Variants in SEMA5B observed in about 807,000 individuals in gnomAD.
The protein encoded by SEMA5B is semaphorin 5B.
A neutral mutation model predicts 135.0 loss-of-function variants in SEMA5B; 66 were observed. The observed-to-expected ratio is 0.49, with a 90% confidence interval of 0.40 to 0.60. The LOEUF is 0.60. SEMA5B is among the 20% of genes least tolerant of loss of function. The probability of loss-of-function intolerance (pLI) is 0.00; values close to 1 mark genes in which losing one functional copy is unlikely to be tolerated. For missense variants in SEMA5B, 1,501 were observed against 1,566.3 expected (o/e 0.96, Z 0.70); for synonymous variants, 690 against 639.5 (o/e 1.08, Z -1.19).
intron 1 of SEMA5B, among the ~76,000 whole-genome samples, chr3:122,961,563 G>T (rs935127017): frequency 6.6e-6 from 1 of 151,712 alleles, no homozygotes; most frequent in Non-Finnish European, 1.5e-5. Context: ...AGGCTCAAAA[G>T]ATCCTCCTGC....
At chr3:123,004,142 C>T (rs1942248825) in intron 1 of SEMA5B, among the ~76,000 whole-genome samples, 1 of 152,228 alleles carries the variant, frequency 6.6e-6, no homozygotes, top group South Asian at 2.1e-4. Flanking sequence ...ACTGCTGTTA[C>T]TCCGGGAGGA....
At chr3:122,952,981 C>T (rs1940125368) in intron 2 of SEMA5B, among the ~76,000 whole-genome samples, 1 of 152,274 alleles carries the variant, frequency 6.6e-6, no homozygotes, top group South Asian at 2.1e-4. Context: ...CCATATGGTT[C>T]CCAAACCCCC....
At chr3:122,947,043 C>G (rs1484205222) in intron 3 of SEMA5B, among the ~76,000 whole-genome samples, 1 of 152,040 alleles carries the variant, frequency 6.6e-6, no homozygotes, top group Non-Finnish European at 1.5e-5. Flanking sequence ...TGTCCCTGCC[C>G]CCAGACTCAG....
intron 1 of SEMA5B, among the ~76,000 whole-genome samples, chr3:122,973,968 C>T (rs1941219135): frequency 6.6e-6 from 1 of 152,214 alleles, no homozygotes; most frequent in African/African-American, 2.4e-5. Flanking sequence ...TAATTGTGTT[C>T]CAGCTCAGCA....
intron 5 of SEMA5B, among the ~76,000 whole-genome samples, chr3:122,932,243 A>AT (rs71136597): frequency 0.12 from 9,986 of 84,736 alleles, 2,537 homozygotes; most frequent in South Asian, 0.17. Flanking sequence ...TCTCAATATG[A>AT]TTTTTTTTTT....
intron 12 of SEMA5B, among the ~76,000 whole-genome samples, chr3:122,918,393 C>T (rs1484050450): frequency 6.6e-6 from 1 of 152,204 alleles, no homozygotes. Flanking sequence ...AGCCCACCAA[C>T]CTATACTTTG....
chr3:122,985,040 G>T (rs917435035), intron 1 of SEMA5B, among the ~76,000 whole-genome samples: 1 of 152,164 alleles, frequency 6.6e-6, no homozygotes, highest in Non-Finnish European at 1.5e-5. Flanking sequence ...TACACCATAA[G>T]ATTTTAAGTT....
intron 2 of SEMA5B, among the ~76,000 whole-genome samples, chr3:122,956,837 TA>T (rs955297529): frequency 2.0e-5 from 3 of 152,026 alleles, no homozygotes; most frequent in African/African-American, 7.3e-5. Flanking sequence ...GTGAGTGCCC[TA>T]AAAGGGAAAA....
At chr3:122,923,930 C>T (rs1938499414) in intron 9 of SEMA5B, among the ~76,000 whole-genome samples, 178 bp from the exon 10 acceptor site, 1 of 152,114 alleles carries the variant, frequency 6.6e-6, no homozygotes, top group Admixed American at 6.5e-5. Flanking sequence ...TGTAAACCCC[C>T]TGGGAACGAC....
intron 14 of SEMA5B, 65 bp from the exon 15 acceptor site, chr3:122,914,066 G>GTC (rs1937933661): frequency 1.4e-6 from 2 of 1,470,420 alleles, no homozygotes; most frequent in African/African-American, 2.8e-5. Flanking sequence ...GATCTAGTCT[G>GTC]TCTCTGGGCC....
intron 1 of SEMA5B, among the ~76,000 whole-genome samples, chr3:122,991,217 G>A (rs757441482): frequency 6.6e-6 from 1 of 152,192 alleles, no homozygotes; most frequent in African/African-American, 2.4e-5. Context: ...CTCCAGTCAG[G>A]ATTGGGTGAG....
intron 1 of SEMA5B, among the ~76,000 whole-genome samples, chr3:122,996,989 G>C (rs1942035904): frequency 6.6e-6 from 1 of 152,204 alleles, no homozygotes; most frequent in Non-Finnish European, 1.5e-5. Context: ...CCCACACGCT[G>C]TCCTGTGTCC....
chr3:122,958,778 A>G (rs987546131), intron 2 of SEMA5B, among the ~76,000 whole-genome samples: 2 of 151,858 alleles, frequency 1.3e-5, no homozygotes, highest in African/African-American at 4.8e-5. Context: ...GGGTATGGGG[A>G]GCCTCTCCTA....
chr3:122,915,967 C>G, intron 12 of SEMA5B, 77 bp from the exon 13 acceptor site: 1 of 1,046,968 alleles, frequency 9.6e-7, no homozygotes, highest in South Asian at 1.3e-5. Context: ...CACGTGAACA[C>G]TCCCCTCTGT....
At chr3:122,978,718 G>A (rs746145938) in intron 1 of SEMA5B, among the ~76,000 whole-genome samples, 22 of 152,130 alleles carry the variant, frequency 1.4e-4, no homozygotes, top group Admixed American at 9.2e-4. Flanking sequence ...AGCCAGCTTC[G>A]TGTCAGAAGA....
chr3:122,947,050 T>C (rs1939819518), intron 3 of SEMA5B, among the ~76,000 whole-genome samples: 2 of 151,774 alleles, frequency 1.3e-5, no homozygotes, highest in Non-Finnish European at 2.9e-5. Context: ...GCCCCCAGAC[T>C]CAGCCAAGCC....
chr3:123,021,723 C>T (rs1942684031), intron 1 of SEMA5B, among the ~76,000 whole-genome samples: 2 of 152,190 alleles, frequency 1.3e-5, no homozygotes, highest in Non-Finnish European at 2.9e-5. Flanking sequence ...TGGCAGGGAA[C>T]GAAACTGCGG....
intron 1 of SEMA5B, among the ~76,000 whole-genome samples, chr3:123,012,560 C>T (rs1005712860): frequency 2.0e-5 from 3 of 152,210 alleles, no homozygotes; most frequent in African/African-American, 7.2e-5. Flanking sequence ...AAGTAGAAAC[C>T]GCTGCAGACA....
chr3:122,930,725 C>T (rs1938927830), intron 5 of SEMA5B, among the ~76,000 whole-genome samples: 1 of 152,184 alleles, frequency 6.6e-6, no homozygotes. Flanking sequence ...AGGCACTGTG[C>T]CAGGGACTTG....
Sources: allele counts gnomAD v4.1 joint callset (sites outside exome capture counted in the v4.1 genomes callset), GRCh38; gene constraint gnomAD v4.1.1; transcripts MANE v1.5; gene names NCBI Gene and HGNC (gene_info 2026-07-23, HGNC 2026-07-21).